Variants in SLC17A4 observed in about 807,000 individuals in gnomAD.
SLC17A4 encodes the protein probable small intestine urate exporter.
SLC17A4 carries 33 observed loss-of-function variants against 52.5 expected under a neutral mutation model. That is an observed-to-expected ratio of 0.63 (90% CI 0.48 to 0.84). The LOEUF (loss-of-function observed/expected upper bound fraction) is 0.84, where lower values mean the gene tolerates loss of function less well. Ranked by LOEUF, SLC17A4 falls within the 40% of genes least tolerant of loss-of-function variation. The pLI is 0.00. For missense variants in SLC17A4, 585 were observed against 597.1 expected (o/e 0.98, Z 0.21); for synonymous variants, 225 against 216.2 (o/e 1.04, Z -0.36).
intron 10 of SLC17A4, 59 bp from the exon 11 acceptor site, chr6:25,777,867 T>C (rs1397236365): frequency 7.1e-7 from 1 of 1,417,144 alleles, no homozygotes; most frequent in African/African-American, 1.4e-5. Context: ...CTCCCGGGTA[T>C]TGAGACTTTC....
intron 1 of SLC17A4, among the ~76,000 whole-genome samples, chr6:25,758,370 T>G (rs142871183): frequency 2.2e-4 from 34 of 152,342 alleles, no homozygotes; most frequent in African/African-American, 8.2e-4. Flanking sequence ...GTCCCTGAAA[T>G]TTATTTTTAA....
chr6:25,767,107 T>G lies in SLC17A4; in HGVS notation c.92-1878T>G, dbSNP rs367922898. 1.8e-4 allele frequency among the ~76,000 whole-genome samples: 27 copies of G among 152,230 alleles called. No homozygotes were observed. The East Asian group carries it at 3.9e-3, about 22-fold the overall frequency. On this transcript the variant is annotated intron_variant, in intron 2 of 11. Transcript: ENST00000377905. ...CTAAAACTGTCCTAAAATTAAAAAT[T>G]TATTAAGAAAAATGGCTATGTACCT...
intron 8 of SLC17A4, among the ~76,000 whole-genome samples, chr6:25,774,082 G>A (rs1762703637): frequency 6.6e-6 from 1 of 152,040 alleles, no homozygotes; most frequent in Admixed American, 6.6e-5. Flanking sequence ...TTGTGACAGA[G>A]AAACATAAAC....
At chr6:25,769,354 AC>A (rs1762282580) in intron 3 of SLC17A4, among the ~76,000 whole-genome samples, 164 bp downstream of exon 3, 2 of 152,064 alleles carry the variant, frequency 1.3e-5, no homozygotes, top group African/African-American at 4.8e-5. Flanking sequence ...GGTGGCTCAC[AC>A]CTTTAGTCCC....
rs75220368 is a variant in SLC17A4, at chr6:25,767,120, T to C, written c.92-1865T>C. Among the ~76,000 whole-genome samples, 1,183 of 152,162 alleles carry C rather than the reference T, an allele frequency of 7.8e-3. 26 individuals are homozygous for C. The highest frequency in any genetic ancestry group is 0.065 in the East Asian group (337 of 5,168). ...AAAATTAAAAATTTATTAAGAAAAA[T>C]GGCTATGTACCTAAAACATTTCAGA... is the stretch of plus-strand genomic sequence containing the variant. On this transcript the variant is annotated intron_variant, in intron 2 of 11. Transcript: ENST00000377905.
intron 8 of SLC17A4, among the ~76,000 whole-genome samples, chr6:25,774,920 T>C (rs554744878): frequency 1.3e-5 from 2 of 152,362 alleles, no homozygotes; most frequent in South Asian, 2.1e-4. Context: ...ATCCTTTCCA[T>C]TGTTTGGATT....
chr6:25,755,961 G>T (rs1313815250), intron 1 of SLC17A4, among the ~76,000 whole-genome samples: 1 of 152,030 alleles, frequency 6.6e-6, no homozygotes, highest in Non-Finnish European at 1.5e-5. Flanking sequence ...AGTCTTAGTG[G>T]CATATCTCCA....
At chr6:25,769,337 C>A in intron 3 of SLC17A4, 147 bp downstream of exon 3, 1 of 774,960 alleles carries the variant, frequency 1.3e-6, no homozygotes, top group Non-Finnish European at 2.0e-6. Context: ...AGTATCAGGC[C>A]GAGCATGGTG....
intron 8 of SLC17A4, among the ~76,000 whole-genome samples, chr6:25,774,030 A>G (rs1762701395): frequency 6.6e-6 from 1 of 152,184 alleles, no homozygotes; most frequent in Non-Finnish European, 1.5e-5. Context: ...CTGGCAGCAT[A>G]AATAATAAAG....
chr6:25,769,899 T>C (rs1762337332), intron 3 of SLC17A4, among the ~76,000 whole-genome samples, 168 bp from the exon 4 acceptor site: 1 of 152,196 alleles, frequency 6.6e-6, no homozygotes, highest in Admixed American at 6.5e-5. Flanking sequence ...AAAGAGTATA[T>C]TGGGCATATA....
intron 1 of SLC17A4, among the ~76,000 whole-genome samples, chr6:25,757,430 T>C (rs1230203981): frequency 4.6e-5 from 7 of 152,068 alleles, no homozygotes; most frequent in African/African-American, 1.7e-4. Context: ...TCATTGTCAG[T>C]AGTAATAGAT....
intron 8 of SLC17A4, 53 bp from the exon 9 acceptor site, chr6:25,776,542 T>A (rs1762935139): frequency 1.3e-6 from 2 of 1,544,084 alleles, no homozygotes; most frequent in South Asian, 2.6e-5. Context: ...GTTGTCTGTG[T>A]CGTGGTGGGG....
intron 10 of SLC17A4, 105 bp from the exon 11 acceptor site, chr6:25,777,821 T>C (rs1763059653): frequency 3.4e-6 from 3 of 884,514 alleles, no homozygotes. Context: ...CCAGCTGATA[T>C]TAACCCTTTG....
intron 6 of SLC17A4, among the ~76,000 whole-genome samples, chr6:25,772,474 C>G (rs1762560989): frequency 6.6e-6 from 1 of 151,986 alleles, no homozygotes; most frequent in African/African-American, 2.4e-5. Context: ...GCTAGCCAAA[C>G]AAAGAGAGCT....
chr6:25,770,817 T>A lies in SLC17A4; in HGVS notation c.620-109T>A, dbSNP rs150095845. On this transcript the variant is annotated intron_variant, in intron 5 of 11. Transcript: ENST00000377905. Reference sequence around the variant, plus strand: ...ACCAAGTGAAGGAACCTAGATAGTTTGGCTTGAAACTCATACCTTCACTCA... The same window carrying A: ...ACCAAGTGAAGGAACCTAGATAGTTAGGCTTGAAACTCATACCTTCACTCA... 74 of 826,096 alleles carry A rather than the reference T, an allele frequency of 9.0e-5. No individual in the cohort carries two copies. In the East Asian group the frequency reaches 1.8e-3, roughly 20 times the overall value. 51.2% of individuals were successfully genotyped at this position (826,096 alleles called of 1,614,324 possible).
At chr6:25,769,561 A>C (rs12209125) in intron 3 of SLC17A4, among the ~76,000 whole-genome samples, 44,757 of 147,738 alleles carry the variant, frequency 0.3, 7,995 homozygotes, top group South Asian at 0.43. Context: ...CTGTCTTAAA[A>C]AAAAAAAAAA....
chr6:25,769,176 G>T lies in SLC17A4; in HGVS notation c.283G>T (p.Glu95Ter), dbSNP rs866718817. 2.5e-6 allele frequency: 4 copies of T among 1,613,776 alleles called. No individual in the cohort carries two copies. The highest frequency in any genetic ancestry group is 1.3e-5 in the African/African-American group (1 of 74,898). ...SQGYWNETLK[E>*]FKAMAPAYDW... The stretch of plus-strand genomic sequence containing the variant: ...GGGCTACTGGAATGAAACTCTAAAA[G>T]AATTTAAAGCAATGGTAAGTTTAAT... The change falls in exon 3 of 12, where the codon GAA becomes TAA. Residue 95 changes from glutamate to a stop codon, truncating the protein, a stop_gained. Transcript: ENST00000377905. LOFTEE classifies it high-confidence loss of function.
intron 2 of SLC17A4, among the ~76,000 whole-genome samples, chr6:25,766,478 A>G (rs959612174): frequency 6.6e-6 from 1 of 152,178 alleles, no homozygotes; most frequent in Non-Finnish European, 1.5e-5. Flanking sequence ...TCCAGAGTAC[A>G]TTTGTACATA....
rs1192739931 is a variant in SLC17A4, at chr6:25,776,447, A to G, written c.988-148A>G. On this transcript the variant is annotated intron_variant, in intron 8 of 11. Coordinates refer to ENST00000377905, the MANE Select transcript of SLC17A4 (RefSeq NM_005495.3). ...ATGAACATATACATACTAAAAGTAT[A>G]TTGGCTCATTATAGTAACATGGAAT... 12 of 895,860 alleles carry G rather than the reference A, an allele frequency of 1.3e-5. No individual in the cohort carries two copies. The East Asian group carries it at 3.0e-4, about 22-fold the overall frequency. 55.5% of individuals were successfully genotyped at this position (895,860 alleles called of 1,614,324 possible). A position where few individuals can be genotyped will look rare whatever the true frequency, so the allele number is the denominator to read the frequency against.
Sources: gnomAD v4.1 joint callset for allele counts (sites outside exome capture counted in the v4.1 genomes callset) on GRCh38, gnomAD v4.1.1 for gene constraint, MANE v1.5 for transcripts, NCBI Gene and HGNC (gene_info 2026-07-23, HGNC 2026-07-21) for gene names.